OSBP2: variants seen among roughly 807,000 people sequenced by gnomAD.
OSBP2 encodes the protein oxysterol binding protein 2.
OSBP2 carries 66 observed loss-of-function variants against 96.0 expected under a neutral mutation model. That is an observed-to-expected ratio of 0.69 (90% CI 0.56 to 0.84). The LOEUF (loss-of-function observed/expected upper bound fraction) is 0.84, where lower values mean the gene tolerates loss of function less well. Ranked by LOEUF, OSBP2 falls within the 40% of genes least tolerant of loss-of-function variation. The probability of loss-of-function intolerance (pLI) is 0.00; values close to 1 mark genes in which losing one functional copy is unlikely to be tolerated. For synonymous variants in OSBP2, 525 were observed against 520.9 expected, an observed-to-expected ratio of 1.01 and a Z score of -0.11; for missense variants, 1,038 against 1,222.7, an observed-to-expected ratio of 0.85 and a Z score of 2.25.
intron 2 of OSBP2, among the ~76,000 whole-genome samples, chr22:30,857,057 A>G (rs992947721): frequency 1.3e-5 from 2 of 152,098 alleles, no homozygotes; most frequent in Non-Finnish European, 2.9e-5. Context: ...TTATTTTGAG[A>G]TTGATTTTTC....
rs141116740 is a variant in OSBP2 at position 30,784,010 on chromosome 22, G to C, written c.853+42641G>C. Reference sequence around the variant, plus strand: ...TTCCTTCCAGGAAGAGGCTTCAGAAGCAGGGATGGCATCTTTACGATTGAC... The same window carrying C: ...TTCCTTCCAGGAAGAGGCTTCAGAACCAGGGATGGCATCTTTACGATTGAC... On this transcript the variant is annotated intron_variant, in intron 2 of 13. Transcript: ENST00000332585. 5.8e-3 allele frequency among the ~76,000 whole-genome samples: 883 copies of C among 152,322 alleles called. 3 individuals carry two copies. The highest frequency in any genetic ancestry group is 0.02 in the Middle Eastern group (6 of 294).
At chr22:30,774,492 C>G (rs550299642) in intron 2 of OSBP2, among the ~76,000 whole-genome samples, 1 of 152,314 alleles carries the variant, frequency 6.6e-6, no homozygotes, top group African/African-American at 2.4e-5. Context: ...GCCCTTCAGT[C>G]AGAATGCTAG....
intron 2 of OSBP2, among the ~76,000 whole-genome samples, chr22:30,856,373 C>CTTTTTTTTTTTTTTTTTTTTTTTTT (rs56875088): frequency 9.9e-6 from 1 of 101,430 alleles, no homozygotes; most frequent in African/African-American, 3.6e-5. Context: ...CAGAGCCCTT[C>CTTTTTTTTTTTTTTTTTTTTTTTTT]TTTTTTTTTT....
At chr22:30,788,296 CA>C (rs2090623966) in intron 2 of OSBP2, among the ~76,000 whole-genome samples, 2 of 152,096 alleles carry the variant, frequency 1.3e-5, no homozygotes, top group Non-Finnish European at 2.9e-5. Flanking sequence ...ACAGTTTCCC[CA>C]GTGCCATGTT....
intron 2 of OSBP2, among the ~76,000 whole-genome samples, chr22:30,750,844 G>A (rs545284511): frequency 6.6e-6 from 1 of 152,158 alleles, no homozygotes; most frequent in South Asian, 2.1e-4. Flanking sequence ...TCCCAGGTTC[G>A]AGCAATTCTC....
chr22:30,858,045 A>G (rs1395419595), intron 2 of OSBP2, among the ~76,000 whole-genome samples: 3 of 152,116 alleles, frequency 2.0e-5, no homozygotes, highest in Non-Finnish European at 4.4e-5. Flanking sequence ...CTTTGCAGGC[A>G]CTGCGCAGCT....
Position 30,695,157 on chromosome 22 carries a change from T to A in OSBP2, c.248T>A (p.Val83Glu). The A allele has an allele frequency of 6.2e-7, 1 of 1,610,252 alleles. No homozygotes were observed. The highest frequency in any genetic ancestry group is 8.5e-7 in the Non-Finnish European group (1 of 1,177,876). Residue 83 changes from valine to glutamate, a missense_variant, in exon 1 of 14, where the codon GTG becomes GAG. This residue lies in a region of OSBP2 where 281 missense variants were observed against 273.4 expected (regional missense o/e 1.03). Coordinates refer to ENST00000332585, the MANE Select transcript of OSBP2 (RefSeq NM_030758.4). Reference protein sequence around the residue: ...VSEAVPRSEPVSETTSEPEPG... With the variant: ...VSEAVPRSEPESETTSEPEPG... ...GAGGCAGTGCCAAGATCGGAACCTG[T>A]GTCCGAGACGACGTCTGAGCCGGAG...
intron 2 of OSBP2, among the ~76,000 whole-genome samples, chr22:30,847,160 T>A (rs1017269531): frequency 6.6e-6 from 1 of 152,020 alleles, no homozygotes; most frequent in African/African-American, 2.4e-5. Flanking sequence ...GTATTTTTAG[T>A]AGAGATGAGG....
rs1053566056 is a variant in OSBP2 at position 30,822,385 on chromosome 22, G to A, written c.854-48044G>A. 6 of 643,594 alleles carry A rather than the reference G, an allele frequency of 9.3e-6. No homozygotes were observed. The African/African-American group carries it at 1.1e-4, about 12-fold the overall frequency. 39.9% of individuals were successfully genotyped at this position (643,594 alleles called of 1,614,324 possible). Reference sequence around the variant, plus strand: ...CGGGACGAGGCCGCGCTCCTGGGGCGGGAGGAAGTGGTAGGCAGCACCGCC... The same window carrying A: ...CGGGACGAGGCCGCGCTCCTGGGGCAGGAGGAAGTGGTAGGCAGCACCGCC... On this transcript the variant is annotated intron_variant, in intron 2 of 13. Transcript: ENST00000332585.
At chr22:30,736,417 C>G (rs2089856373) in intron 1 of OSBP2, among the ~76,000 whole-genome samples, 1 of 152,114 alleles carries the variant, frequency 6.6e-6, no homozygotes. Flanking sequence ...CGTCTAGAAC[C>G]AGATCCTATG....
At chr22:30,747,172 A>G (rs768702013) in intron 2 of OSBP2, among the ~76,000 whole-genome samples, 2 of 152,244 alleles carry the variant, frequency 1.3e-5, no homozygotes, top group Non-Finnish European at 2.9e-5. Context: ...AGGTAAATCC[A>G]TAGTGATAGA....
At chr22:30,892,546 G>A (rs996018717) in intron 8 of OSBP2, among the ~76,000 whole-genome samples, 2 of 152,108 alleles carry the variant, frequency 1.3e-5, no homozygotes, top group Non-Finnish European at 2.9e-5. Context: ...CCCACAGCCA[G>A]AGCAGCATGG....
chr22:30,738,860 CT>C (rs1387188011), intron 1 of OSBP2, among the ~76,000 whole-genome samples: 1 of 152,188 alleles, frequency 6.6e-6, no homozygotes, highest in Non-Finnish European at 1.5e-5. Flanking sequence ...CCGTGCCCAG[CT>C]GACAAATGTC....
At chr22:30,788,148 C>T (rs895730840) in intron 2 of OSBP2, among the ~76,000 whole-genome samples, 12 of 152,084 alleles carry the variant, frequency 7.9e-5, no homozygotes, top group Non-Finnish European at 1.2e-4. Flanking sequence ...GAAGTGTCAG[C>T]GCCATACCTG....
chr22:30,785,820 T>A (rs2090580959), intron 2 of OSBP2, among the ~76,000 whole-genome samples: 1 of 152,062 alleles, frequency 6.6e-6, no homozygotes, highest in African/African-American at 2.4e-5. Context: ...GTCTGGCACT[T>A]CCCTATGCTC....
chr22:30,745,777 C>T (rs761550447), intron 2 of OSBP2, among the ~76,000 whole-genome samples: 3 of 151,042 alleles, frequency 2.0e-5, no homozygotes, highest in Non-Finnish European at 2.9e-5. Context: ...AAAAGACTGA[C>T]GTAGTTGGTA....
chr22:30,838,922 G>A (rs958307847), intron 2 of OSBP2, among the ~76,000 whole-genome samples: 1 of 150,660 alleles, frequency 6.6e-6, no homozygotes, highest in African/African-American at 2.4e-5. Context: ...TGGCATGCTG[G>A]TGTGCTGCAC....
At chr22:30,725,552 A>G (rs1043298430) in intron 1 of OSBP2, among the ~76,000 whole-genome samples, 1 of 151,502 alleles carries the variant, frequency 6.6e-6, no homozygotes, top group East Asian at 1.9e-4. Context: ...AAACAAAAAA[A>G]AAAACACACA....
intron 2 of OSBP2, among the ~76,000 whole-genome samples, chr22:30,761,963 A>G (rs1231614697): frequency 6.6e-6 from 1 of 152,174 alleles, no homozygotes; most frequent in Non-Finnish European, 1.5e-5. Flanking sequence ...TACAACTATA[A>G]TACTCCCAGC....
Sources: allele counts gnomAD v4.1 joint callset (sites outside exome capture counted in the v4.1 genomes callset), GRCh38; gene constraint gnomAD v4.1.1; regional missense constraint gnomAD v4.1.1; transcripts MANE v1.5; gene names NCBI Gene and HGNC (gene_info 2026-07-23, HGNC 2026-07-21).